ATXN7: variants seen among roughly 807,000 people sequenced by gnomAD.
ATXN7 encodes the protein ataxin-7.
ATXN7 carries 12 observed loss-of-function variants against 70.5 expected under a neutral mutation model. The ratio of observed to expected loss-of-function variants is 0.17; its 90% CI spans 0.11 to 0.28. The LOEUF (loss-of-function observed/expected upper bound fraction) is 0.28. Ranked by LOEUF, ATXN7 falls within the 10% of genes least tolerant of loss-of-function variation. ATXN7 has a pLI of 1.00. For missense variants in ATXN7, 1,256 were observed against 1,131.7 expected (o/e 1.11, Z -1.58); for synonymous variants, 498 against 448.7 (o/e 1.11, Z -1.39).
rs775575707 is a variant in ATXN7, at chr3:63,996,137, A to G, written c.2315A>G (p.His772Arg). The G allele has an allele frequency of 6.2e-6, 10 of 1,614,200 alleles. No homozygotes were observed. The highest frequency in any genetic ancestry group is 8.5e-7 in the Non-Finnish European group (1 of 1,180,038). Residue 772 changes from histidine to arginine, a missense_variant, in exon 12 of 13, where the codon CAT becomes CGT. Physicochemically the swap from His to Arg is conservative, Grantham distance 29. Coordinates refer to ENST00000674280, the MANE Select transcript of ATXN7 (RefSeq NM_001377405.1). ...TNKANAVNVR[H>R]DQSGRGPPTG... ...AAAGCAAATGCGGTGAACGTCCGGC[A>G]TGACCAGTCAGGGAGGGGCCCCCCC...
chr3:63,976,654 G>A (rs1489698949), intron 5 of ATXN7, among the ~76,000 whole-genome samples: 1 of 152,180 alleles, frequency 6.6e-6, no homozygotes, highest in African/African-American at 2.4e-5. Context: ...AAAACGGGGA[G>A]GATGGACAGT....
intron 8 of ATXN7, 124 bp from the exon 9 acceptor site, chr3:63,987,935 G>A: frequency 8.4e-7 from 1 of 1,196,440 alleles, no homozygotes; most frequent in Non-Finnish European, 1.2e-6. Flanking sequence ...ATCAAATGCT[G>A]AGTAGCCTTT....
intron 5 of ATXN7, among the ~76,000 whole-genome samples, chr3:63,962,676 A>G (rs998193298): frequency 3.3e-5 from 5 of 152,068 alleles, no homozygotes; most frequent in South Asian, 2.1e-4. Context: ...AAGTGCTGGG[A>G]TTATAGGCGT....
chr3:63,998,614 A>T, intron 12 of ATXN7: 1 of 985,424 alleles, frequency 1.0e-6, no homozygotes, highest in Non-Finnish European at 1.2e-6. Flanking sequence ...GTGCAGAGGA[A>T]TACTTTTTAT....
intron 1 of ATXN7, among the ~76,000 whole-genome samples, chr3:63,884,919 A>G (rs866098371): frequency 1.3e-4 from 20 of 151,684 alleles, no homozygotes; most frequent in Middle Eastern, 6.8e-3. Flanking sequence ...TCAGCCTCCC[A>G]AAATGCTGGG....
intron 5 of ATXN7, among the ~76,000 whole-genome samples, chr3:63,959,042 G>A (rs921460340): frequency 3.9e-5 from 6 of 152,156 alleles, no homozygotes; most frequent in African/African-American, 1.4e-4. Context: ...TTGTAAACCT[G>A]TTACCTCAGA....
At chr3:63,912,545 G>GC in intron 2 of ATXN7, 43 bp from the exon 3 acceptor site, 2 of 1,092,278 alleles carry the variant, frequency 1.8e-6, no homozygotes, top group Non-Finnish European at 2.3e-6. Context: ...TTAAAAAACG[G>GC]CCCCCGCGCG....
At chr3:63,935,581 T>G (rs1038745767) in intron 4 of ATXN7, among the ~76,000 whole-genome samples, 6 of 152,292 alleles carry the variant, frequency 3.9e-5, no homozygotes, top group Admixed American at 1.3e-4. Context: ...TGTGCCTTTT[T>G]TTCCCCAGTA....
At chr3:63,968,827 G>A (rs891416613) in intron 5 of ATXN7, among the ~76,000 whole-genome samples, 7 of 152,158 alleles carry the variant, frequency 4.6e-5, no homozygotes, top group Non-Finnish European at 1.0e-4. Context: ...GAGTTCTTCA[G>A]TTTTCAGGGG....
At chr3:63,872,713 A>T (rs915878985) in intron 1 of ATXN7, among the ~76,000 whole-genome samples, 1 of 152,212 alleles carries the variant, frequency 6.6e-6, no homozygotes, top group Admixed American at 6.5e-5. Context: ...AGCCATCAAC[A>T]TATGTGCCAA....
At chr3:63,868,026 T>C (rs552445747) in intron 1 of ATXN7, among the ~76,000 whole-genome samples, 5 of 152,362 alleles carry the variant, frequency 3.3e-5, no homozygotes, top group African/African-American at 1.2e-4. Flanking sequence ...GTCCTGCATG[T>C]ACTGTGGCTG....
At chr3:63,950,797 T>C (rs1472446394) in intron 4 of ATXN7, among the ~76,000 whole-genome samples, 2 of 152,164 alleles carry the variant, frequency 1.3e-5, no homozygotes, top group Non-Finnish European at 2.9e-5. Context: ...TTATTTTTTA[T>C]TAAATAAGCG....
chr3:64,001,552 A>G lies in ATXN7; in HGVS notation c.*2085A>G, dbSNP rs1346631201. The G allele has an allele frequency of 2.0e-5, 3 of 152,258 alleles. No homozygotes were observed. Among genetic ancestry groups the G allele is most frequent in the Admixed American group, 2.0e-4 (3 of 15,288 alleles). 9.4% of individuals were successfully genotyped at this position (152,258 alleles called of 1,614,324 possible). ...TTTACAGATCGATCATGTTGTTCCG[A>G]AAGATGTGAATAGGATCCACAATAA... On this transcript the variant is annotated 3_prime_UTR_variant, in exon 13 of 13. Coordinates refer to ENST00000674280, the MANE Select transcript of ATXN7 (RefSeq NM_001377405.1).
At chr3:63,866,290 T>A (rs1702425467) in intron 1 of ATXN7, among the ~76,000 whole-genome samples, 1 of 152,174 alleles carries the variant, frequency 6.6e-6, no homozygotes, top group Non-Finnish European at 1.5e-5. Context: ...CTCTGTTGCC[T>A]AGGCTGGAGT....
chr3:63,922,516 CTTCT>C (rs1157709821), intron 4 of ATXN7, among the ~76,000 whole-genome samples: 1 of 152,154 alleles, frequency 6.6e-6, no homozygotes, highest in Non-Finnish European at 1.5e-5. Flanking sequence ...GTAGTTTGTG[CTTCT>C]TTATGCTGCT....
chr3:63,966,898 T>G (rs751327581), intron 5 of ATXN7, among the ~76,000 whole-genome samples: 7 of 152,238 alleles, frequency 4.6e-5, no homozygotes, highest in Non-Finnish European at 1.0e-4. Context: ...TCTAAGTCAT[T>G]ATTATCATAA....
At chr3:63,973,789 C>T (rs62252368) in intron 5 of ATXN7, among the ~76,000 whole-genome samples, 29,619 of 151,716 alleles carry the variant, frequency 0.2, 3,123 homozygotes, top group East Asian at 0.39. Flanking sequence ...GGAATAATTC[C>T]CCCATGTGGC....
intron 5 of ATXN7, among the ~76,000 whole-genome samples, chr3:63,972,441 C>G (rs958359917): frequency 6.6e-6 from 1 of 152,194 alleles, no homozygotes; most frequent in Non-Finnish European, 1.5e-5. Flanking sequence ...ATGCAGAGTG[C>G]ACACTCTGTT....
intron 5 of ATXN7, among the ~76,000 whole-genome samples, chr3:63,962,406 TTC>T (rs2075145706): frequency 6.6e-6 from 1 of 151,940 alleles, no homozygotes. Flanking sequence ...TCGTTAGAAC[TTC>T]TGTTTTGTTT....
Sources: gnomAD v4.1 joint callset for allele counts (sites outside exome capture counted in the v4.1 genomes callset) on GRCh38, gnomAD v4.1.1 for gene constraint, MANE v1.5 for transcripts, NCBI Gene and HGNC (gene_info 2026-07-23, HGNC 2026-07-21) for gene names.